MAP3K4: variants seen among roughly 807,000 people sequenced by gnomAD.
The protein encoded by MAP3K4 is mitogen-activated protein kinase kinase kinase 4, also known as MAP three kinase 1.
MAP3K4 carries 67 observed loss-of-function variants against 185.6 expected under a neutral mutation model. The observed-to-expected ratio is 0.36, with a 90% CI of 0.30 to 0.44. The LOEUF (loss-of-function observed/expected upper bound fraction) is 0.44. MAP3K4 is among the 20% of genes least tolerant of loss of function. The pLI, the probability that MAP3K4 is intolerant of heterozygous loss-of-function variation, is 1.00. For missense variants in MAP3K4, 1,551 were observed against 1,995.1 expected, an observed-to-expected ratio of 0.78 and a Z score of 4.24; for synonymous variants, 702 against 710.4, an observed-to-expected ratio of 0.99 and a Z score of 0.19.
rs1271626235 is a variant in MAP3K4 at position 161,051,803 on chromosome 6, T to G, written c.1707+1824T>G. Among the ~76,000 whole-genome samples the G allele has an allele frequency of 6.6e-6, 1 of 152,186 alleles. No homozygotes were observed. The highest frequency in any genetic ancestry group is 1.9e-4 in the East Asian group (1 of 5,196). On this transcript the variant is annotated intron_variant, in intron 3 of 26. Transcript: ENST00000392142. This position sits in a 1 kb window ranked among gnomAD's most constrained non-coding sequence, Gnocchi z 4.2. ...AGATTACTTATAATACCTAATACAA[T>G]GTAAATGCTGTGTAAATAGTTGTTA...
chr6:161,057,149 T>G (rs1403160902), intron 3 of MAP3K4, among the ~76,000 whole-genome samples: 8 of 152,234 alleles, frequency 5.3e-5, no homozygotes, highest in African/African-American at 1.9e-4. Context: ...TATTATAAAT[T>G]TAATGGCCAA....
rs1785074575 is a variant in MAP3K4, at chr6:161,074,337, C to T, written c.2097+725C>T. Among the ~76,000 whole-genome samples, 1 of 152,140 alleles carries T rather than the reference C, an allele frequency of 6.6e-6. No homozygotes were observed. Among genetic ancestry groups the T allele is most frequent in the Non-Finnish European group, 1.5e-5 (1 of 68,024 alleles). On this transcript the variant is annotated intron_variant, in intron 5 of 26. Transcript: ENST00000392142. This position sits in a 1 kb window ranked among gnomAD's most constrained non-coding sequence, Gnocchi z 5.0. Reference sequence around the variant, plus strand: ...GTCTTCTCACTTACACTGAATGTGCCCTGTGCTTTTAACCTCTGTTCACAT... The same window carrying T: ...GTCTTCTCACTTACACTGAATGTGCTCTGTGCTTTTAACCTCTGTTCACAT...
chr6:161,049,720 A>G lies in MAP3K4; in HGVS notation c.1448A>G (p.Asp483Gly). 1.2e-6 allele frequency: 2 copies of G among 1,614,162 alleles called. No homozygotes were observed. Among genetic ancestry groups the G allele is most frequent in the Non-Finnish European group, 1.7e-6 (2 of 1,180,022 alleles). Residue 483 changes from aspartate to glycine, a missense_variant, in exon 3 of 27, where the codon GAC becomes GGC. Physicochemically the swap from Asp to Gly is moderately conservative, Grantham distance 94 (BLOSUM62 -1). This residue lies in a region of MAP3K4 where 126 missense variants were observed against 112.8 expected (regional missense o/e 1.12). Coordinates refer to ENST00000392142, the MANE Select transcript of MAP3K4 (RefSeq NM_005922.4). This position sits in a 1 kb window ranked among gnomAD's most constrained non-coding sequence, Gnocchi z 8.4. ...EIRQPIDNSF[D>G]IQSRDCISKK... Reference sequence around the variant, plus strand: ...AGACAGCCCATAGATAACAGCTTCGACATCCAGTCGCGGGACTGCATATCC... The same window carrying G: ...AGACAGCCCATAGATAACAGCTTCGGCATCCAGTCGCGGGACTGCATATCC...
intron 1 of MAP3K4, among the ~76,000 whole-genome samples, chr6:161,024,871 G>T (rs1782566811): frequency 6.6e-6 from 1 of 152,168 alleles, no homozygotes; most frequent in Non-Finnish European, 1.5e-5. Context: ...CTCCTTGAGA[G>T]GAAAGTATGT....
rs1439189653 is a variant in MAP3K4 at position 161,053,924 on chromosome 6, T to C, written c.1707+3945T>C. Among the ~76,000 whole-genome samples, 1 of 152,098 alleles carries C rather than the reference T, an allele frequency of 6.6e-6. No homozygotes were observed. Among genetic ancestry groups the C allele is most frequent in the East Asian group, 1.9e-4 (1 of 5,166 alleles). ...TTTTGTTCTTAATTGTTAAAATATC[T>C]GAACTGACAAGGTACCACAGATTGT... On this transcript the variant is annotated intron_variant, in intron 3 of 26. Coordinates refer to ENST00000392142, the MANE Select transcript of MAP3K4 (RefSeq NM_005922.4). This position sits in a 1 kb window ranked among gnomAD's most constrained non-coding sequence, Gnocchi z 4.2.
chr6:161,055,782 A>G (rs570092874), intron 3 of MAP3K4, among the ~76,000 whole-genome samples: 4 of 152,294 alleles, frequency 2.6e-5, no homozygotes, highest in African/African-American at 7.2e-5. Flanking sequence ...GTTAACCTTG[A>G]TCACTTGGTT....
intron 3 of MAP3K4, among the ~76,000 whole-genome samples, chr6:161,065,340 G>T (rs1395823125): frequency 1.3e-5 from 2 of 152,156 alleles, no homozygotes; most frequent in East Asian, 3.8e-4. Flanking sequence ...TTGATCTGGG[G>T]TTTTACACTG....
At position 161,091,485 on chromosome 6, in the gene MAP3K4, C is replaced by T. The variant is rs1425417492; in HGVS notation, c.3080C>T (p.Thr1027Ile). The T allele has an allele frequency of 1.2e-6, 2 of 1,613,836 alleles. No individual in the cohort carries two copies. The highest frequency in any genetic ancestry group is 1.3e-5 in the African/African-American group (1 of 74,894). ...DAEVDESESV[T>I]LQQYYREAMI... ...GAGGTTGATGAATCTGAATCTGTCACCTTGCAACAGTACTACCGAGAAGCA... is the reference window on the plus strand; with the variant it reads ...GAGGTTGATGAATCTGAATCTGTCATCTTGCAACAGTACTACCGAGAAGCA... The change falls in exon 12 of 27, where the codon ACC becomes ATC. Residue 1027 changes from threonine to isoleucine, a missense_variant. Coordinates refer to ENST00000392142, the MANE Select transcript of MAP3K4 (RefSeq NM_005922.4). The surrounding 1 kb of genome is among the most constrained non-coding windows in gnomAD (Gnocchi z 5.5).
intron 1 of MAP3K4, among the ~76,000 whole-genome samples, chr6:161,027,222 G>C (rs1237761908): frequency 6.6e-6 from 1 of 152,182 alleles, no homozygotes; most frequent in Non-Finnish European, 1.5e-5. Flanking sequence ...TACAGGCAGT[G>C]ATTTTTCTGT....
intron 1 of MAP3K4, among the ~76,000 whole-genome samples, chr6:161,015,042 C>G (rs1289010055): frequency 1.3e-5 from 2 of 152,060 alleles, no homozygotes; most frequent in Non-Finnish European, 2.9e-5. Context: ...TGGCTTCTTT[C>G]ACTTAGCGTA....
chr6:161,034,519 A>G lies in MAP3K4; in HGVS notation c.343+70A>G. The G allele has an allele frequency of 7.8e-7, 1 of 1,278,170 alleles. No individual in the cohort carries two copies. Among genetic ancestry groups the G allele is most frequent in the Non-Finnish European group, 1.1e-6 (1 of 931,336 alleles). The allele number at this position is 1,278,170 out of a possible 1,614,324, so 79.2% of individuals were successfully genotyped here. A position where few individuals can be genotyped will look rare whatever the true frequency, so the allele number is the denominator to read the frequency against. The stretch of plus-strand genomic sequence containing the variant: ...ACTTGATTGATTCTTTCAACAATAA[A>G]GTTAGCAATTTCTTTTATTTTTAAT... On this transcript the variant is annotated intron_variant, in intron 2 of 26. Coordinates refer to ENST00000392142, the MANE Select transcript of MAP3K4 (RefSeq NM_005922.4). The surrounding 1 kb of genome is among the most constrained non-coding windows in gnomAD (Gnocchi z 4.4).
chr6:161,018,643 C>T, intron 1 of MAP3K4, among the ~76,000 whole-genome samples: 1 of 152,062 alleles, frequency 6.6e-6, no homozygotes, highest in Non-Finnish European at 1.5e-5. Flanking sequence ...ATCCAGGTAA[C>T]AACAACAGAA....
rs1778216699 is a variant in MAP3K4, at chr6:161,108,691, T to C, written c.4120-52T>C. On this transcript the variant is annotated intron_variant, in intron 21 of 26. Transcript: ENST00000392142. The surrounding 1 kb of genome is among the most constrained non-coding windows in gnomAD (Gnocchi z 5.7). ...ATGATGTTTCAGTGTATGTGTATAA[T>C]GTAGAGTGATTAAATCAAGCCAGTT... The C allele has an allele frequency of 8.1e-6, 8 of 984,864 alleles. No homozygotes were observed. The highest frequency in any genetic ancestry group is 1.3e-5 in the South Asian group (1 of 78,156). The allele number at this position is 984,864 out of a possible 1,614,324, so 61.0% of individuals were successfully genotyped here. A position where few individuals can be genotyped will look rare whatever the true frequency, so the allele number is the denominator to read the frequency against.
chr6:161,039,131 C>CA (rs1158035227), intron 2 of MAP3K4, among the ~76,000 whole-genome samples: 1 of 152,038 alleles, frequency 6.6e-6, no homozygotes, highest in East Asian at 1.9e-4. Context: ...CTGTGGGAGG[C>CA]GACTGCTCAA....
intron 3 of MAP3K4, among the ~76,000 whole-genome samples, chr6:161,058,325 T>G (rs1314309350): frequency 6.6e-6 from 1 of 152,226 alleles, no homozygotes; most frequent in Non-Finnish European, 1.5e-5. Flanking sequence ...CATTCCCACA[T>G]GACCAGCAGC....
intron 1 of MAP3K4, among the ~76,000 whole-genome samples, chr6:161,002,588 G>GC (rs1163271224): frequency 2.2e-5 from 2 of 92,352 alleles, no homozygotes; most frequent in Non-Finnish European, 4.3e-5. Flanking sequence ...AATAGTTTTG[G>GC]CTTTTTTTTT....
chr6:161,031,002 T>C (rs1427026821), intron 1 of MAP3K4, among the ~76,000 whole-genome samples: 1 of 152,250 alleles, frequency 6.6e-6, no homozygotes, highest in African/African-American at 2.4e-5. Flanking sequence ...TCTGTGATGC[T>C]TAATGGGTAA....
Position 161,114,987 on chromosome 6 carries a change from T to C in MAP3K4, c.4627-136T>C. The C allele has an allele frequency of 1.5e-6, 1 of 659,336 alleles. No individual in the cohort carries two copies. Among genetic ancestry groups the C allele is most frequent in the Non-Finnish European group, 2.6e-6 (1 of 386,394 alleles). The allele number at this position is 659,336 out of a possible 1,614,324, so 40.8% of individuals were successfully genotyped here. A position where few individuals can be genotyped will look rare whatever the true frequency, so the allele number is the denominator to read the frequency against. ...CATATGGCCTGTCAACCTAAAATAT[T>C]GTTTGGCCCTTTCAGTAAAAATTTG... On this transcript the variant is annotated intron_variant, in intron 25 of 26. Transcript: ENST00000392142. The surrounding 1 kb of genome is among the most constrained non-coding windows in gnomAD (Gnocchi z 4.3).
At chr6:161,005,459 A>C (rs1258277937) in intron 1 of MAP3K4, among the ~76,000 whole-genome samples, 1 of 152,084 alleles carries the variant, frequency 6.6e-6, no homozygotes, top group Non-Finnish European at 1.5e-5. Context: ...AATTGTGTTT[A>C]ATAATCAGTG....
Sources: gnomAD v4.1 joint callset for allele counts (sites outside exome capture counted in the v4.1 genomes callset) on GRCh38, gnomAD v4.1.1 for gene constraint, gnomAD v4.1.1 regional missense constraint, Gnocchi (gnomAD v3.1) non-coding constraint, MANE v1.5 for transcripts, NCBI Gene and HGNC (gene_info 2026-07-23, HGNC 2026-07-21) for gene names.